Variants in ANXA8 observed in about 807,000 individuals in gnomAD.
ANXA8 encodes annexin A8, also known as VAC-beta.
Under a neutral mutation model 26.8 loss-of-function variants are expected in ANXA8, and 9 were observed. The observed-to-expected ratio is 0.34, with a 90% CI of 0.20 to 0.59. ANXA8 has a LOEUF of 0.59. Among genes scored for constraint, ANXA8 ranks in the 20% least tolerant of loss-of-function variants. The pLI, the probability that ANXA8 is intolerant of heterozygous loss-of-function variation, is 0.84. For missense variants in ANXA8, 83 were observed against 238.5 expected (o/e 0.35, Z 4.29); for synonymous variants, 39 against 94.8 (o/e 0.41, Z 3.42).
the ANXA8 span, among the ~76,000 whole-genome samples, chr10:47,985,215 A>T: frequency 6.7e-6 from 1 of 149,482 alleles, no homozygotes; most frequent in Non-Finnish European, 1.5e-5. Flanking sequence ...AATATACTTA[A>T]CATCATTAGC....
At chr10:47,617,526 G>A in the ANXA8 span, among the ~76,000 whole-genome samples, 1 of 146,960 alleles carries the variant, frequency 6.8e-6, no homozygotes, top group Non-Finnish European at 1.5e-5. Context: ...GGAGGATGGG[G>A]TTCATTTAGA....
chr10:47,981,905 C>A, the ANXA8 span, among the ~76,000 whole-genome samples: 1 of 152,110 alleles, frequency 6.6e-6, no homozygotes, highest in Non-Finnish European at 1.5e-5. Flanking sequence ...AGATTGTGTG[C>A]CTTTTTCTCA....
At chr10:47,647,764 A>G in the ANXA8 span, among the ~76,000 whole-genome samples, 1 of 151,756 alleles carries the variant, frequency 6.6e-6, no homozygotes, top group Non-Finnish European at 1.5e-5. Context: ...GGCCATGGCT[A>G]CATTATAAAA....
At chr10:47,898,849 G>T in the ANXA8 span, among the ~76,000 whole-genome samples, 12 of 94,624 alleles carry the variant, frequency 1.3e-4, no homozygotes, top group African/African-American at 4.6e-4. Flanking sequence ...TTTTAGATGT[G>T]GTCTCGCTCT....
chr10:47,580,749 A>G, the ANXA8 span, among the ~76,000 whole-genome samples: 1 of 55,326 alleles, frequency 1.8e-5, no homozygotes, highest in Non-Finnish European at 3.9e-5. Flanking sequence ...CTCAAAAAAC[A>G]AAACAAAAAA....
chr10:47,986,554 G>A, the ANXA8 span: 1 of 349,362 alleles, frequency 2.9e-6, no homozygotes, highest in Non-Finnish European at 5.7e-6. Flanking sequence ...ACCCACATGG[G>A]CCAGGGCGGT....
chr10:47,776,110 C>T, the ANXA8 span, among the ~76,000 whole-genome samples: 4 of 152,006 alleles, frequency 2.6e-5, no homozygotes, highest in African/African-American at 7.2e-5. Context: ...AGGAGGAAAC[C>T]GGTCTGGGAA....
chr10:47,659,576 T>A, the ANXA8 span, among the ~76,000 whole-genome samples: 4 of 150,830 alleles, frequency 2.7e-5, no homozygotes, highest in South Asian at 6.2e-4. Flanking sequence ...CTTGGGAGGC[T>A]GAGGCAGGAG....
chr10:47,717,393 AC>A, the ANXA8 span, among the ~76,000 whole-genome samples: 1 of 69,398 alleles, frequency 1.4e-5, no homozygotes, highest in Non-Finnish European at 2.6e-5. Context: ...AACACAAGCA[AC>A]TTTTCCCTAA....
At chr10:47,703,580 A>T in the ANXA8 span, among the ~76,000 whole-genome samples, 5 of 151,346 alleles carry the variant, frequency 3.3e-5, no homozygotes, top group South Asian at 1.0e-3. Flanking sequence ...GAAAAAAAAA[A>T]AAATACAAAA....
the ANXA8 span, among the ~76,000 whole-genome samples, chr10:47,623,037 T>C: frequency 8.8e-6 from 1 of 113,252 alleles, no homozygotes; most frequent in Non-Finnish European, 1.9e-5. Flanking sequence ...TTTGTAGTTT[T>C]TTTGCTTTCC....
chr10:47,778,722 A>G, the ANXA8 span, among the ~76,000 whole-genome samples: 2 of 151,978 alleles, frequency 1.3e-5, no homozygotes, highest in African/African-American at 4.8e-5. Context: ...CACTTAAATC[A>G]TATTTTTTAT....
At chr10:47,673,244 T>C in the ANXA8 span, among the ~76,000 whole-genome samples, 8 of 151,766 alleles carry the variant, frequency 5.3e-5, no homozygotes, top group South Asian at 1.0e-3. Flanking sequence ...CGAACTGGCA[T>C]AGATAATACC....
the ANXA8 span, among the ~76,000 whole-genome samples, chr10:47,942,613 A>G: frequency 1.4e-5 from 2 of 143,084 alleles, no homozygotes; most frequent in East Asian, 4.3e-4. Context: ...AGACTGGAGC[A>G]CAGTTCAATC....
chr10:47,639,197 C>T, the ANXA8 span, among the ~76,000 whole-genome samples: 2 of 145,900 alleles, frequency 1.4e-5, no homozygotes, highest in South Asian at 4.3e-4. Context: ...GTGGCGCTAT[C>T]TCTCCGCTCA....
the ANXA8 span, chr10:47,690,839 G>T: frequency 1.2e-6 from 2 of 1,611,528 alleles, 1 homozygote; most frequent in Admixed American, 3.3e-5. Flanking sequence ...GCTATTAAAA[G>T]AAGCTGTACC....
At chr10:47,470,035 C>T (rs1362769138) in intron 11 of ANXA8, among the ~76,000 whole-genome samples, 7 of 151,532 alleles carry the variant, frequency 4.6e-5, no homozygotes, top group Non-Finnish European at 5.9e-5. Context: ...TGGGCCACTA[C>T]GCCTGGTGAT....
the ANXA8 span, among the ~76,000 whole-genome samples, chr10:47,561,749 C>T: frequency 6.6e-6 from 1 of 151,788 alleles, no homozygotes; most frequent in East Asian, 1.9e-4. Flanking sequence ...GTGAACATAA[C>T]AAAGTCTGCC....
At chr10:47,541,779 CATAAT>C in the ANXA8 span, among the ~76,000 whole-genome samples, 5 of 120,936 alleles carry the variant, frequency 4.1e-5, no homozygotes, top group African/African-American at 1.5e-4. Context: ...GATAATACAA[CATAAT>C]CTAAATAAAA....
Sources: allele counts gnomAD v4.1 joint callset (sites outside exome capture counted in the v4.1 genomes callset), GRCh38; gene constraint gnomAD v4.1.1; transcripts MANE v1.5; gene names NCBI Gene and HGNC (gene_info 2026-07-23, HGNC 2026-07-21).